FBXO4: variants seen among roughly 807,000 people sequenced by gnomAD.
FBXO4 encodes F-box only protein 4.
In FBXO4, 36 loss-of-function variants were observed where a neutral mutation model predicts 43.7. The ratio of observed to expected loss-of-function variants is 0.82; its 90% CI spans 0.63 to 1.09. The LOEUF (loss-of-function observed/expected upper bound fraction) is 1.09. FBXO4 is among the 50% of genes least tolerant of loss of function. The probability of loss-of-function intolerance (pLI) is 0.00; values close to 1 mark genes in which losing one functional copy is unlikely to be tolerated. For missense variants in FBXO4, 435 were observed against 474.1 expected (o/e 0.92, Z 0.77); for synonymous variants, 180 against 165.6 (o/e 1.09, Z -0.67).
chr5:42,022,287 T>C, the FBXO4 span, among the ~76,000 whole-genome samples: 1 of 152,142 alleles, frequency 6.6e-6, no homozygotes, highest in Admixed American at 6.6e-5. Context: ...ACATGCCAAT[T>C]CATATGCACT....
the FBXO4 span, chr5:41,967,782 T>C: frequency 9.0e-5 from 55 of 614,352 alleles, no homozygotes; most frequent in South Asian, 7.5e-4. Flanking sequence ...CAATGTGCTC[T>C]GGAAGAGGCA....
At chr5:42,039,482 G>A in the FBXO4 span, among the ~76,000 whole-genome samples, 2 of 151,936 alleles carry the variant, frequency 1.3e-5, no homozygotes, top group African/African-American at 4.8e-5. Flanking sequence ...CCTACCTGTG[G>A]AACTATGCAC....
intron 5 of FBXO4, chr5:41,934,649 C>T (rs1751803139): frequency 9.1e-7 from 1 of 1,101,862 alleles, no homozygotes; most frequent in East Asian, 5.8e-5. Context: ...TATTTTTTTG[C>T]TTTATGCTTC....
the FBXO4 span, among the ~76,000 whole-genome samples, chr5:41,982,036 G>A: frequency 6.6e-6 from 1 of 152,070 alleles, no homozygotes; most frequent in Admixed American, 6.6e-5. Flanking sequence ...TGCTGAGAAT[G>A]ATGGTTTCCA....
At chr5:41,973,210 T>A in the FBXO4 span, among the ~76,000 whole-genome samples, 1 of 152,176 alleles carries the variant, frequency 6.6e-6, no homozygotes, top group Non-Finnish European at 1.5e-5. Context: ...TATTAGGAAC[T>A]TAAACAATAA....
chr5:41,934,589 C>T (rs1220812969), intron 5 of FBXO4: 1 of 1,319,460 alleles, frequency 7.6e-7, no homozygotes, highest in Non-Finnish European at 9.7e-7. Context: ...TTTTTCCAAG[C>T]ACCCAGGGAA....
chr5:42,033,520 T>G, the FBXO4 span, among the ~76,000 whole-genome samples: 1 of 152,060 alleles, frequency 6.6e-6, no homozygotes, highest in Non-Finnish European at 1.5e-5. Context: ...CATTAGCTAT[T>G]TGTCCTAATG....
At chr5:41,997,084 A>C in the FBXO4 span, among the ~76,000 whole-genome samples, 1 of 152,236 alleles carries the variant, frequency 6.6e-6, no homozygotes, top group African/African-American at 2.4e-5. Flanking sequence ...TGGCCTTGCC[A>C]GTGGGAGGCA....
intron 1 of FBXO4, among the ~76,000 whole-genome samples, chr5:41,926,417 T>C (rs868347680): frequency 2.0e-5 from 3 of 151,902 alleles, no homozygotes; most frequent in African/African-American, 4.8e-5. Flanking sequence ...ACTAAAAATA[T>C]AAAAAATTAG....
chr5:41,928,221 G>A (rs912004701), intron 2 of FBXO4, among the ~76,000 whole-genome samples: 6 of 152,156 alleles, frequency 3.9e-5, no homozygotes, highest in African/African-American at 1.4e-4. Context: ...ATTGCATCAA[G>A]TGTATATGAG....
chr5:41,925,478 A>T lies in FBXO4; in HGVS notation c.169A>T (p.Ser57Cys). The T allele has an allele frequency of 7.6e-7, 1 of 1,321,310 alleles. No homozygotes were observed. The highest frequency in any genetic ancestry group is 9.7e-7 in the Non-Finnish European group (1 of 1,027,908). The allele number at this position is 1,321,310 out of a possible 1,614,324, so 81.8% of individuals were successfully genotyped here. ...TSREEVDEAA[S>C]TLTRLPIDVQ... ...ACGGGAGGAGGTGGATGAGGCGGCC[A>T]GCACCCTGACGCGGCTGCCGGTGAG... Residue 57 changes from serine (S) to cysteine (C), a missense_variant, in exon 1 of 7, where the codon AGC becomes TGC. Transcript: ENST00000281623.
chr5:42,030,378 T>A, the FBXO4 span, among the ~76,000 whole-genome samples: 1 of 152,020 alleles, frequency 6.6e-6, no homozygotes, highest in Non-Finnish European at 1.5e-5. Flanking sequence ...ATTTAATAAA[T>A]GGTGCTGGGA....
the FBXO4 span, among the ~76,000 whole-genome samples, chr5:42,009,394 TG>T: frequency 6.6e-6 from 1 of 151,162 alleles, no homozygotes; most frequent in Non-Finnish European, 1.5e-5. Flanking sequence ...TGTGTGTGTG[TG>T]TGTGTGTGTG....
chr5:41,938,563 T>G (rs114714516), intron 5 of FBXO4, among the ~76,000 whole-genome samples: 2,537 of 152,362 alleles, frequency 0.017, 16 homozygotes, highest in Non-Finnish European at 0.025. Context: ...TTACCTCAAA[T>G]TTAATAGTTT....
chr5:41,981,403 A>T, the FBXO4 span, among the ~76,000 whole-genome samples: 2 of 145,972 alleles, frequency 1.4e-5, no homozygotes, highest in African/African-American at 5.0e-5. Context: ...ATGGTAAATT[A>T]AAAAAAAAAA....
the FBXO4 span, among the ~76,000 whole-genome samples, chr5:41,991,444 G>C: frequency 2.6e-5 from 4 of 152,174 alleles, no homozygotes; most frequent in Non-Finnish European, 5.9e-5. Flanking sequence ...TTTTGTGAAA[G>C]CATAAGCCTG....
At chr5:41,938,618 T>A (rs1257733838) in intron 5 of FBXO4, among the ~76,000 whole-genome samples, 1 of 152,224 alleles carries the variant, frequency 6.6e-6, no homozygotes, top group Non-Finnish European at 1.5e-5. Flanking sequence ...GTCAGAAGTC[T>A]GGAAATGGTA....
chr5:42,011,750 G>C, the FBXO4 span, among the ~76,000 whole-genome samples: 1 of 152,272 alleles, frequency 6.6e-6, no homozygotes, highest in East Asian at 1.9e-4. Context: ...CCATTCCTAT[G>C]TAGAGTGTGT....
chr5:41,957,486 TATA>T, the FBXO4 span, among the ~76,000 whole-genome samples: 1 of 148,910 alleles, frequency 6.7e-6, no homozygotes, highest in Non-Finnish European at 1.5e-5. Context: ...TAACAATAAT[TATA>T]ATAATCCTTG....
Sources: gnomAD v4.1 joint callset for allele counts (sites outside exome capture counted in the v4.1 genomes callset) on GRCh38, gnomAD v4.1.1 for gene constraint, MANE v1.5 for transcripts, NCBI Gene and HGNC (gene_info 2026-07-23, HGNC 2026-07-21) for gene names.